PCDHA3: variants seen among roughly 807,000 people sequenced by gnomAD.
The protein encoded by PCDHA3 is protocadherin alpha-3.
Under a neutral mutation model 62.2 loss-of-function variants are expected in PCDHA3, and 41 were observed. The observed-to-expected ratio is 0.66, with a 90% confidence interval of 0.51 to 0.86. PCDHA3 has a LOEUF of 0.86. Among genes scored for constraint, PCDHA3 ranks in the 40% least tolerant of loss-of-function variants. PCDHA3 has a pLI of 0.00. For missense variants in PCDHA3, 1,304 were observed against 1,241.2 expected (o/e 1.05, Z -0.76); for synonymous variants, 640 against 555.4 (o/e 1.15, Z -2.14).
chr5:140,836,378 G>A, intron 1 of PCDHA3: 2 of 1,613,750 alleles, frequency 1.2e-6, no homozygotes, highest in Non-Finnish European at 1.7e-6. Context: ...CAGCCACCGT[G>A]CTGGTGTCGC....
intron 1 of PCDHA3, chr5:140,883,371 T>C (rs2059578130): frequency 1.2e-6 from 2 of 1,614,152 alleles, no homozygotes; most frequent in East Asian, 4.5e-5. Flanking sequence ...CCTAGCGCCA[T>C]TATTGCCCTA....
intron 1 of PCDHA3, chr5:140,966,674 G>A: frequency 7.7e-7 from 1 of 1,295,168 alleles, no homozygotes; most frequent in Non-Finnish European, 1.0e-6. Flanking sequence ...GGCGCAGGGT[G>A]GCACGAGCGG....
At chr5:140,832,017 G>A (rs2150199162) in intron 1 of PCDHA3, among the ~76,000 whole-genome samples, 8 of 152,272 alleles carry the variant, frequency 5.3e-5, no homozygotes, top group African/African-American at 1.9e-4. Context: ...TTTACGTAAA[G>A]ATTGAATTTT....
intron 1 of PCDHA3, among the ~76,000 whole-genome samples, chr5:140,976,735 T>G (rs1412647375): frequency 1.3e-5 from 2 of 152,160 alleles, no homozygotes; most frequent in Non-Finnish European, 2.9e-5. Flanking sequence ...TTAAACACAT[T>G]TTAAAAACCT....
At chr5:140,904,729 TA>T (rs1313627737) in intron 1 of PCDHA3, among the ~76,000 whole-genome samples, 4 of 152,162 alleles carry the variant, frequency 2.6e-5, no homozygotes, top group East Asian at 1.9e-4. Context: ...CAACATCTAT[TA>T]TTTTTTTATT....
chr5:140,841,666 G>A, intron 1 of PCDHA3: 1 of 1,613,974 alleles, frequency 6.2e-7, no homozygotes, highest in Non-Finnish European at 8.5e-7. Flanking sequence ...GGCCGCTGCA[G>A]GTTTTCCATG....
chr5:140,899,249 G>A (rs1256693010), intron 1 of PCDHA3, among the ~76,000 whole-genome samples: 9 of 152,122 alleles, frequency 5.9e-5, no homozygotes, highest in African/African-American at 2.2e-4. Context: ...TGGTGAGAGA[G>A]GGCATCCCTG....
At chr5:140,905,787 G>C (rs1468265319) in intron 1 of PCDHA3, among the ~76,000 whole-genome samples, 1 of 152,012 alleles carries the variant, frequency 6.6e-6, no homozygotes, top group African/African-American at 2.4e-5. Flanking sequence ...TATTAGTCAG[G>C]GTTCTCTAGA....
chr5:140,892,408 G>A (rs1323060042), intron 1 of PCDHA3, among the ~76,000 whole-genome samples: 1 of 152,054 alleles, frequency 6.6e-6, no homozygotes, highest in African/African-American at 2.4e-5. Context: ...TCAAGCTTCA[G>A]GTATTCTAGA....
intron 1 of PCDHA3, chr5:140,869,808 C>A: frequency 6.2e-7 from 1 of 1,612,402 alleles, no homozygotes; most frequent in South Asian, 1.1e-5. Context: ...TCTTGGATGT[C>A]AACGACAATG....
rs2150367479 is a variant in PCDHA3, at chr5:140,843,905, G to A, written c.2394+40314G>A. 8 of 645,878 alleles carry A rather than the reference G, an allele frequency of 1.2e-5. 1 individual carries two copies. Among genetic ancestry groups the A allele is most frequent in the African/African-American group, 1.8e-5 (1 of 54,098 alleles). 40.0% of individuals were successfully genotyped at this position (645,878 alleles called of 1,614,324 possible). ...ATACAGTATTAATCATTCTCCACAA[G>A]TTGGGTCTATCTTGAAACTCAAGTT... On this transcript the variant is annotated intron_variant, in intron 1 of 3. Coordinates refer to ENST00000522353, the MANE Select transcript of PCDHA3 (RefSeq NM_018906.3).
At chr5:140,894,066 A>G (rs997633914) in intron 1 of PCDHA3, among the ~76,000 whole-genome samples, 1 of 152,204 alleles carries the variant, frequency 6.6e-6, no homozygotes, top group Admixed American at 6.5e-5. Context: ...ATTTTTAAAT[A>G]CATTTATTTT....
At chr5:140,856,666 G>A (rs782273873) in intron 1 of PCDHA3, 1 of 1,598,010 alleles carries the variant, frequency 6.3e-7, no homozygotes, top group Admixed American at 1.7e-5. Flanking sequence ...AAAATCCTCA[G>A]CTAAAGTTGT....
At chr5:140,805,234 C>T (rs558765817) in intron 1 of PCDHA3, 19 of 1,368,932 alleles carry the variant, frequency 1.4e-5, no homozygotes, top group Non-Finnish European at 1.8e-5. Flanking sequence ...CTGCTGCATT[C>T]CCCATCTGTA....
intron 1 of PCDHA3, chr5:140,884,416 G>T (rs1035372416): frequency 1.2e-6 from 2 of 1,614,006 alleles, no homozygotes; most frequent in East Asian, 4.5e-5. Flanking sequence ...TCACGTTGCT[G>T]CTGTATACTG....
chr5:140,875,460 C>T (rs1380748731), intron 1 of PCDHA3: 2 of 1,598,406 alleles, frequency 1.3e-6, no homozygotes, highest in Middle Eastern at 1.7e-4. Flanking sequence ...CTCAGAGGCC[C>T]TCATTTTCTG....
intron 1 of PCDHA3, chr5:140,811,707 T>C (rs1422423602): frequency 2.0e-5 from 3 of 152,302 alleles, no homozygotes; most frequent in African/African-American, 7.2e-5. Context: ...TGGTGTGAGA[T>C]GGTATCTCAT....
chr5:140,858,813 G>A, intron 1 of PCDHA3: 1 of 351,180 alleles, frequency 2.8e-6, no homozygotes, highest in South Asian at 3.4e-5. Flanking sequence ...ATTTTGATTT[G>A]ATTGTATTTG....
chr5:140,870,823 G>A (rs971082881), intron 1 of PCDHA3: 1 of 1,613,762 alleles, frequency 6.2e-7, no homozygotes, highest in Non-Finnish European at 8.5e-7. Flanking sequence ...CAGCGCGGGA[G>A]GCGCAGTTAA....
Sources: gnomAD v4.1 joint callset for allele counts (sites outside exome capture counted in the v4.1 genomes callset) on GRCh38, gnomAD v4.1.1 for gene constraint, MANE v1.5 for transcripts, NCBI Gene and HGNC (gene_info 2026-07-23, HGNC 2026-07-21) for gene names.